DLGAP1: variants seen among roughly 807,000 people sequenced by gnomAD.
DLGAP1 encodes the protein DLG associated protein 1.
DLGAP1 carries 11 observed loss-of-function variants against 90.8 expected under a neutral mutation model. The ratio of observed to expected loss-of-function variants is 0.12; its 90% CI spans 0.08 to 0.20. The LOEUF is 0.20. DLGAP1 is among the 10% of genes least tolerant of loss of function. The pLI is 1.00. For missense variants in DLGAP1, 1,050 were observed against 1,333.8 expected, an observed-to-expected ratio of 0.79 and a Z score of 3.31; for synonymous variants, 558 against 540.7, an observed-to-expected ratio of 1.03 and a Z score of -0.44.
intron 7 of DLGAP1, chr18:3,597,103 A>C (rs1173432920): frequency 5.9e-6 from 3 of 510,228 alleles, no homozygotes; most frequent in East Asian, 5.5e-5. Flanking sequence ...TTTTTTTTTC[A>C]CTCTCAGCCC....
At chr18:4,218,836 C>CAT (rs2078015033) in intron 1 of DLGAP1, among the ~76,000 whole-genome samples, 1 of 151,380 alleles carries the variant, frequency 6.6e-6, no homozygotes, top group Non-Finnish European at 1.5e-5. Flanking sequence ...TACACACACA[C>CAT]ACACACACAC....
chr18:3,985,323 G>C (rs1332516499), intron 3 of DLGAP1, among the ~76,000 whole-genome samples: 4 of 152,086 alleles, frequency 2.6e-5, no homozygotes, highest in Non-Finnish European at 5.9e-5. Context: ...AAATGCTCCA[G>C]GCCTGGCTCA....
At chr18:3,989,188 G>A (rs4632226) in intron 3 of DLGAP1, among the ~76,000 whole-genome samples, 113,884 of 152,056 alleles carry the variant, frequency 0.75, 44,572 homozygotes, top group East Asian at 0.97. Context: ...GCTGGTGGAC[G>A]GCACTGTCTT....
At chr18:3,552,086 A>T (rs373234283) in intron 9 of DLGAP1, among the ~76,000 whole-genome samples, 1 of 151,840 alleles carries the variant, frequency 6.6e-6, no homozygotes, top group African/African-American at 2.4e-5. Context: ...GGGATTAGGC[A>T]TGAGCTACCA....
At chr18:4,381,209 A>G (rs913462230) in intron 1 of DLGAP1, among the ~76,000 whole-genome samples, 2 of 152,210 alleles carry the variant, frequency 1.3e-5, no homozygotes, top group Non-Finnish European at 2.9e-5. Flanking sequence ...TTGTATGGCC[A>G]TTCTTCTATC....
intron 3 of DLGAP1, among the ~76,000 whole-genome samples, chr18:4,001,525 G>A (rs112849959): frequency 6.3e-4 from 96 of 152,220 alleles, no homozygotes; most frequent in African/African-American, 2.2e-3. Context: ...TCTTAGGAGA[G>A]TGAACCAGGA....
At chr18:4,232,218 T>A (rs2078314343) in intron 1 of DLGAP1, among the ~76,000 whole-genome samples, 1 of 152,180 alleles carries the variant, frequency 6.6e-6, no homozygotes, top group Admixed American at 6.6e-5. Flanking sequence ...TCAGAAAATG[T>A]AATGTTCATT....
intron 2 of DLGAP1, among the ~76,000 whole-genome samples, chr18:4,015,385 C>A (rs1186347427): frequency 6.6e-6 from 1 of 152,158 alleles, no homozygotes; most frequent in South Asian, 2.1e-4. Flanking sequence ...TGGATCCACA[C>A]ACCCTAAGTT....
chr18:3,765,189 G>T (rs144914238), intron 5 of DLGAP1, among the ~76,000 whole-genome samples: 1 of 134,670 alleles, frequency 7.4e-6, no homozygotes, highest in Non-Finnish European at 1.5e-5. Flanking sequence ...GTGCAGTGGC[G>T]CAGTCTCGGC....
At chr18:4,056,008 A>G (rs918275917) in intron 2 of DLGAP1, among the ~76,000 whole-genome samples, 7 of 152,308 alleles carry the variant, frequency 4.6e-5, no homozygotes, top group African/African-American at 1.7e-4. Context: ...GGATGTATAT[A>G]TGCGGGGAAG....
chr18:3,567,388 G>A (rs1023235970), intron 9 of DLGAP1, 102 bp downstream of exon 9: 1 of 1,004,902 alleles, frequency 1.0e-6, no homozygotes, highest in Non-Finnish European at 1.5e-6. Flanking sequence ...CCAAAACTTA[G>A]AGGAAAATAT....
intron 1 of DLGAP1, among the ~76,000 whole-genome samples, chr18:4,184,098 A>C (rs1348997804): frequency 6.6e-6 from 1 of 152,188 alleles, no homozygotes; most frequent in Non-Finnish European, 1.5e-5. Flanking sequence ...ATTCTGGATA[A>C]ACTTTAAGAA....
At chr18:3,768,467 A>C (rs906376497) in intron 5 of DLGAP1, among the ~76,000 whole-genome samples, 7 of 152,128 alleles carry the variant, frequency 4.6e-5, no homozygotes, top group Non-Finnish European at 8.8e-5. Flanking sequence ...ATTTGTATGG[A>C]AAGTCAAAGG....
intron 1 of DLGAP1, among the ~76,000 whole-genome samples, chr18:4,328,177 C>G (rs1443796787): frequency 6.6e-6 from 1 of 151,964 alleles, no homozygotes. Flanking sequence ...TCACTGAGAA[C>G]TCCCAAGTAT....
At chr18:3,541,906 GAA>G (rs11339725) in intron 9 of DLGAP1, among the ~76,000 whole-genome samples, 10 of 145,176 alleles carry the variant, frequency 6.9e-5, no homozygotes, top group African/African-American at 1.5e-4. Context: ...AATATTGGTG[GAA>G]AAAAAAAAAG....
chr18:4,012,821 C>T (rs947080395), intron 2 of DLGAP1, among the ~76,000 whole-genome samples: 7 of 151,704 alleles, frequency 4.6e-5, no homozygotes, highest in Non-Finnish European at 8.8e-5. Context: ...GCCTCAGCCA[C>T]CTGAGTAGCT....
chr18:4,212,310 G>A (rs758582573), intron 1 of DLGAP1, among the ~76,000 whole-genome samples: 3 of 152,026 alleles, frequency 2.0e-5, no homozygotes, highest in East Asian at 1.9e-4. Context: ...CATATATGTC[G>A]CTTATTCCCA....
chr18:3,798,658 T>A (rs2066136311), intron 5 of DLGAP1, among the ~76,000 whole-genome samples: 1 of 152,192 alleles, frequency 6.6e-6, no homozygotes, highest in African/African-American at 2.4e-5. Flanking sequence ...AGGTTGTTTA[T>A]TTATTTACTT....
At chr18:3,843,190 C>T (rs1233777499) in intron 4 of DLGAP1, among the ~76,000 whole-genome samples, 1 of 152,142 alleles carries the variant, frequency 6.6e-6, no homozygotes, top group Non-Finnish European at 1.5e-5. Flanking sequence ...TAACACAGAG[C>T]TAATATGTGA....
Sources: allele counts gnomAD v4.1 joint callset (sites outside exome capture counted in the v4.1 genomes callset), GRCh38; gene constraint gnomAD v4.1.1; transcripts MANE v1.5; gene names NCBI Gene and HGNC (gene_info 2026-07-23, HGNC 2026-07-21).